GLCE: variants seen among roughly 807,000 people sequenced by gnomAD.
GLCE encodes glucuronic acid epimerase.
GLCE carries 19 observed loss-of-function variants against 47.9 expected under a neutral mutation model. The ratio of observed to expected loss-of-function variants is 0.40; its 90% CI spans 0.28 to 0.58. The LOEUF is 0.58. Ranked by LOEUF, GLCE falls within the 20% of genes least tolerant of loss-of-function variation. GLCE has a pLI of 0.48. For synonymous variants in GLCE, 245 were observed against 263.4 expected (o/e 0.93, Z 0.68); for missense variants, 556 against 743.3 (o/e 0.75, Z 2.93).
intron 1 of GLCE, among the ~76,000 whole-genome samples, chr15:69,183,561 C>T (rs1296238470): frequency 6.6e-6 from 1 of 152,150 alleles, no homozygotes; most frequent in Admixed American, 6.5e-5. Flanking sequence ...CCCTATAGTT[C>T]GACAATATAT....
intron 1 of GLCE, among the ~76,000 whole-genome samples, chr15:69,209,841 C>T (rs2052205758): frequency 6.6e-6 from 1 of 152,136 alleles, no homozygotes; most frequent in Admixed American, 6.6e-5. Context: ...ACCACATCCT[C>T]TTGGGACCAC....
chr15:69,214,338 G>A (rs2052275018), intron 2 of GLCE, among the ~76,000 whole-genome samples: 1 of 152,074 alleles, frequency 6.6e-6, no homozygotes, highest in South Asian at 2.1e-4. Context: ...GGTAGGAGGT[G>A]ACTGGATCAT....
rs545798001 is a variant in GLCE, at chr15:69,241,043, T to C, written c.-13-14751T>C. Among the ~76,000 whole-genome samples the C allele has an allele frequency of 9.8e-5, 15 of 152,342 alleles. No individual in the cohort carries two copies. In the South Asian group the frequency reaches 3.1e-3, roughly 32 times the overall value. On this transcript the variant is annotated intron_variant, in intron 2 of 4. Coordinates refer to ENST00000261858, the MANE Select transcript of GLCE (RefSeq NM_015554.3). ...AAGCTATTCTGGCGAAACTTTGTAC[T>C]TTCTCTTGTTAAAATCATCATCGTC...
At chr15:69,217,756 T>G (rs1183181029) in intron 2 of GLCE, among the ~76,000 whole-genome samples, 1 of 152,262 alleles carries the variant, frequency 6.6e-6, no homozygotes, top group Non-Finnish European at 1.5e-5. Context: ...GTTTCTTTAT[T>G]ATTTTATTTA....
intron 2 of GLCE, among the ~76,000 whole-genome samples, chr15:69,211,339 T>C (rs192826863): frequency 3.3e-5 from 5 of 152,184 alleles, no homozygotes; most frequent in Non-Finnish European, 7.4e-5. Context: ...CTACTAAATT[T>C]AAACTGAACA....
At chr15:69,244,804 T>C (rs1414629028) in intron 2 of GLCE, among the ~76,000 whole-genome samples, 1 of 152,238 alleles carries the variant, frequency 6.6e-6, no homozygotes, top group African/African-American at 2.4e-5. Flanking sequence ...TCTTTTCCTT[T>C]AGTAAATCTT....
chr15:69,227,161 A>C (rs1371240802), intron 2 of GLCE, among the ~76,000 whole-genome samples: 1 of 152,188 alleles, frequency 6.6e-6, no homozygotes, highest in Non-Finnish European at 1.5e-5. Flanking sequence ...TTTATTGTTT[A>C]AATGCAATTT....
intron 1 of GLCE, among the ~76,000 whole-genome samples, chr15:69,185,607 T>C (rs765395940): frequency 6.6e-6 from 1 of 152,100 alleles, no homozygotes; most frequent in Non-Finnish European, 1.5e-5. Context: ...GTTGTTTTTA[T>C]TGGAGTTAGT....
intron 1 of GLCE, among the ~76,000 whole-genome samples, chr15:69,163,129 A>G (rs907502441): frequency 6.6e-6 from 1 of 152,224 alleles, no homozygotes; most frequent in Non-Finnish European, 1.5e-5. Context: ...TTTGGTTGGA[A>G]TGACAGCCCC....
chr15:69,174,136 G>A (rs868559542), intron 1 of GLCE, among the ~76,000 whole-genome samples: 6 of 152,178 alleles, frequency 3.9e-5, no homozygotes, highest in South Asian at 2.1e-4. Flanking sequence ...GGGATTATAG[G>A]CATGAGCCAC....
chr15:69,220,542 A>G (rs767094024), intron 2 of GLCE, among the ~76,000 whole-genome samples: 31 of 152,130 alleles, frequency 2.0e-4, no homozygotes, highest in Non-Finnish European at 3.7e-4. Flanking sequence ...GATGTTGAGC[A>G]TCTTTTCATG....
At chr15:69,213,516 C>T (rs965707182) in intron 2 of GLCE, among the ~76,000 whole-genome samples, 3 of 152,078 alleles carry the variant, frequency 2.0e-5, no homozygotes, top group Non-Finnish European at 4.4e-5. Context: ...GGTGATGTGC[C>T]TTTCTCAGCA....
intron 1 of GLCE, chr15:69,197,030 C>T: frequency 3.1e-6 from 1 of 323,414 alleles, no homozygotes; most frequent in Non-Finnish European, 6.1e-6. Context: ...CTACAGCTTT[C>T]TGAGTTCCAG....
chr15:69,229,347 G>A (rs2140401519), intron 2 of GLCE, among the ~76,000 whole-genome samples: 1 of 152,298 alleles, frequency 6.6e-6, no homozygotes, highest in South Asian at 2.1e-4. Flanking sequence ...AATGAAGTGA[G>A]CCCACAATGT....
intron 1 of GLCE, among the ~76,000 whole-genome samples, chr15:69,172,331 A>G (rs1245212072): frequency 6.6e-6 from 1 of 152,216 alleles, no homozygotes; most frequent in Non-Finnish European, 1.5e-5. Context: ...GAAGGCACTG[A>G]TCACTAGGAG....
At chr15:69,167,141 G>A (rs1319283063) in intron 1 of GLCE, among the ~76,000 whole-genome samples, 17 of 152,088 alleles carry the variant, frequency 1.1e-4, no homozygotes, top group Admixed American at 3.9e-4. Context: ...GCTTGAACCC[G>A]GGACGCAGAG....
chr15:69,215,990 T>C (rs1052567113), intron 2 of GLCE, among the ~76,000 whole-genome samples: 1 of 152,200 alleles, frequency 6.6e-6, no homozygotes, highest in Non-Finnish European at 1.5e-5. Context: ...CTCTGACTAT[T>C]TAGCTATGCT....
intron 1 of GLCE, among the ~76,000 whole-genome samples, chr15:69,183,699 C>T (rs1595741561): frequency 2.0e-5 from 3 of 152,360 alleles, no homozygotes; most frequent in Non-Finnish European, 2.9e-5. Flanking sequence ...GAATGGGGCA[C>T]TCCCCAAGGC....
At chr15:69,249,918 T>C (rs1341450370) in intron 2 of GLCE, among the ~76,000 whole-genome samples, 1 of 152,216 alleles carries the variant, frequency 6.6e-6, no homozygotes, top group East Asian at 1.9e-4. Flanking sequence ...AATTTTTAAC[T>C]ATTTCTACAA....
Sources: allele counts gnomAD v4.1 joint callset (sites outside exome capture counted in the v4.1 genomes callset), GRCh38; gene constraint gnomAD v4.1.1; transcripts MANE v1.5; gene names NCBI Gene and HGNC (gene_info 2026-07-23, HGNC 2026-07-21).